The following DLG2 variants were observed in gnomAD, a reference collection of about 807,000 sequenced individuals.
The protein encoded by DLG2 is discs large MAGUK scaffold protein 2, also known as disks large homolog 2.
DLG2 carries 45 observed loss-of-function variants against 132.5 expected under a neutral mutation model. The observed-to-expected ratio is 0.34, with a 90% CI of 0.27 to 0.44. The LOEUF is 0.44. Among genes scored for constraint, DLG2 ranks in the 20% least tolerant of loss-of-function variants. The pLI is 1.00. For missense variants in DLG2, 1,045 were observed against 1,196.9 expected, an observed-to-expected ratio of 0.87 and a Z score of 1.87; for synonymous variants, 424 against 419.6, an observed-to-expected ratio of 1.01 and a Z score of -0.13.
intron 6 of DLG2, among the ~76,000 whole-genome samples, chr11:84,849,263 T>C (rs938433582): frequency 3.9e-5 from 6 of 152,194 alleles, no homozygotes; most frequent in African/African-American, 1.4e-4. Context: ...GTGGTTGTTT[T>C]AAGCAATTAT....
chr11:83,810,876 T>C (rs2047083608), intron 17 of DLG2, among the ~76,000 whole-genome samples: 1 of 152,092 alleles, frequency 6.6e-6, no homozygotes, highest in Admixed American at 6.6e-5. Context: ...TCAGTATATA[T>C]AAGATGATCT....
At chr11:83,709,940 T>C (rs571495314) in intron 18 of DLG2, among the ~76,000 whole-genome samples, 12 of 152,282 alleles carry the variant, frequency 7.9e-5, no homozygotes, top group African/African-American at 2.9e-4. Context: ...CTTTACCCTC[T>C]TGCTGTCCAC....
At chr11:85,193,875 T>C (rs1370553673) in intron 4 of DLG2, among the ~76,000 whole-genome samples, 1 of 152,248 alleles carries the variant, frequency 6.6e-6, no homozygotes, top group African/African-American at 2.4e-5. Flanking sequence ...GGTTGTGCTA[T>C]GTGGTTCAAA....
At chr11:84,245,328 T>C (rs116805807) in intron 8 of DLG2, among the ~76,000 whole-genome samples, 17 of 152,308 alleles carry the variant, frequency 1.1e-4, no homozygotes, top group African/African-American at 3.8e-4. Flanking sequence ...TTGAAAGCAC[T>C]CTGTAAAAAT....
chr11:85,417,321 T>C (rs1425441084), intron 3 of DLG2, among the ~76,000 whole-genome samples: 2 of 152,212 alleles, frequency 1.3e-5, no homozygotes, highest in African/African-American at 2.4e-5. Flanking sequence ...ATAAGCTTTT[T>C]GATGTGTTGC....
intron 22 of DLG2, among the ~76,000 whole-genome samples, chr11:83,482,755 G>A (rs1399628227): frequency 6.6e-6 from 1 of 152,126 alleles, no homozygotes; most frequent in Middle Eastern, 3.2e-3. Context: ...GAGAATGCAT[G>A]TTCCTTTTGA....
chr11:84,239,890 A>C (rs1189330060), intron 8 of DLG2, among the ~76,000 whole-genome samples: 20 of 152,234 alleles, frequency 1.3e-4, no homozygotes, highest in Admixed American at 1.3e-3. Flanking sequence ...ACATTGAAGA[A>C]TACTACTAAC....
chr11:83,472,647 T>G (rs917695656), intron 23 of DLG2, 80 bp downstream of exon 23: 6 of 1,252,850 alleles, frequency 4.8e-6, no homozygotes, highest in Non-Finnish European at 6.9e-6. Context: ...TTCTCCTTAG[T>G]CCTTCACTCT....
chr11:83,559,256 G>T (rs2096571113), intron 19 of DLG2, among the ~76,000 whole-genome samples: 1 of 152,112 alleles, frequency 6.6e-6, no homozygotes, highest in African/African-American at 2.4e-5. Context: ...GGGTTTGCTT[G>T]GGTGTGCAGG....
chr11:84,631,004 TCTCTCTCTCTCTCTCACA>T (rs1218410409), intron 6 of DLG2, among the ~76,000 whole-genome samples: 3 of 128,874 alleles, frequency 2.3e-5, no homozygotes, highest in East Asian at 2.1e-4. Flanking sequence ...TCTCTCTCTC[TCTCTCTCTCTCTCTCACA>T]CACACACACA....
chr11:83,772,972 C>T (rs1337078982), intron 18 of DLG2, among the ~76,000 whole-genome samples: 1 of 152,178 alleles, frequency 6.6e-6, no homozygotes, highest in Non-Finnish European at 1.5e-5. Context: ...TTTGAACCCA[C>T]ATATTATGTT....
intron 3 of DLG2, among the ~76,000 whole-genome samples, chr11:85,387,722 G>C (rs1474030530): frequency 6.6e-6 from 1 of 152,172 alleles, no homozygotes; most frequent in Non-Finnish European, 1.5e-5. Context: ...AGTAATATTT[G>C]AAGAGGGACA....
At chr11:85,084,342 G>A (rs1246745680) in intron 6 of DLG2, among the ~76,000 whole-genome samples, 1 of 152,094 alleles carries the variant, frequency 6.6e-6, no homozygotes, top group Non-Finnish European at 1.5e-5. Context: ...TGGTACAGAT[G>A]CAGGCATCTA....
intron 9 of DLG2, among the ~76,000 whole-genome samples, chr11:84,110,815 T>C (rs1357718277): frequency 3.9e-5 from 6 of 152,140 alleles, no homozygotes; most frequent in Non-Finnish European, 7.3e-5. Context: ...GTGAAGCACA[T>C]CCTCATGACT....
intron 8 of DLG2, among the ~76,000 whole-genome samples, chr11:84,215,568 G>A (rs1264565289): frequency 6.6e-6 from 1 of 152,086 alleles, no homozygotes; most frequent in African/African-American, 2.4e-5. Flanking sequence ...ATAAGATCCT[G>A]CCTAACTTCA....
intron 7 of DLG2, among the ~76,000 whole-genome samples, chr11:84,511,241 T>C (rs1356902362): frequency 6.6e-6 from 1 of 152,090 alleles, no homozygotes; most frequent in African/African-American, 2.4e-5. Context: ...TTTCATAATA[T>C]TTTATTCTTA....
chr11:85,413,779 G>A (rs2089561758), intron 3 of DLG2, among the ~76,000 whole-genome samples: 1 of 151,954 alleles, frequency 6.6e-6, no homozygotes, highest in African/African-American at 2.4e-5. Context: ...TTATACCAGT[G>A]CCATGCTGTT....
intron 6 of DLG2, among the ~76,000 whole-genome samples, chr11:85,028,787 G>A (rs1394178513): frequency 6.6e-6 from 1 of 152,070 alleles, no homozygotes; most frequent in African/African-American, 2.4e-5. Context: ...GGAAATCCAG[G>A]TCACTGCTGG....
chr11:85,416,430 T>C (rs1340957978), intron 3 of DLG2, among the ~76,000 whole-genome samples: 2 of 152,214 alleles, frequency 1.3e-5, no homozygotes, highest in Non-Finnish European at 2.9e-5. Context: ...TACAGACTGT[T>C]TTTTGGTTCC....
Sources: gnomAD v4.1 joint callset for allele counts (sites outside exome capture counted in the v4.1 genomes callset) on GRCh38, gnomAD v4.1.1 for gene constraint, MANE v1.5 for transcripts, NCBI Gene and HGNC (gene_info 2026-07-23, HGNC 2026-07-21) for gene names.